ROR2: variants seen among roughly 807,000 people sequenced by gnomAD.
The protein encoded by ROR2 is ROR family WNT receptor 2, also known as tyrosine-protein kinase transmembrane receptor ROR2.
In ROR2, 33 loss-of-function variants were observed where a neutral mutation model predicts 74.9. The observed-to-expected ratio is 0.44, with a 90% confidence interval of 0.33 to 0.59. ROR2 has a LOEUF of 0.59. Among genes scored for constraint, ROR2 ranks in the 20% least tolerant of loss-of-function variants. The probability of loss-of-function intolerance (pLI) is 0.02; values close to 1 mark genes in which losing one functional copy is unlikely to be tolerated. For missense variants in ROR2, 1,216 were observed against 1,313.8 expected (o/e 0.93, Z 1.15); for synonymous variants, 586 against 558.7 (o/e 1.05, Z -0.69).
intron 1 of ROR2, among the ~76,000 whole-genome samples, chr9:91,830,229 G>C (rs11791450): frequency 0.45 from 68,939 of 152,076 alleles, 17,360 homozygotes; most frequent in African/African-American, 0.67. Flanking sequence ...ATTTGGCTGT[G>C]CAAGGCAGGT....
chr9:91,734,534 G>GT (rs1251292334), intron 5 of ROR2, among the ~76,000 whole-genome samples: 1 of 152,172 alleles, frequency 6.6e-6, no homozygotes. Context: ...AGGAAAGCGT[G>GT]TAAGTGCTGT....
chr9:91,920,412 GAGA>G (rs1326692270), intron 1 of ROR2, among the ~76,000 whole-genome samples: 1 of 152,154 alleles, frequency 6.6e-6, no homozygotes, highest in Non-Finnish European at 1.5e-5. Flanking sequence ...AGGCTGAGGT[GAGA>G]AGATCACTTG....
At chr9:91,920,402 A>T (rs1294901488) in intron 1 of ROR2, among the ~76,000 whole-genome samples, 1 of 152,210 alleles carries the variant, frequency 6.6e-6, no homozygotes, top group African/African-American at 2.4e-5. Flanking sequence ...GCTACTCGGG[A>T]GGCTGAGGTG....
intron 1 of ROR2, among the ~76,000 whole-genome samples, chr9:91,831,772 A>T (rs1828470898): frequency 6.6e-6 from 1 of 152,072 alleles, no homozygotes; most frequent in African/African-American, 2.4e-5. Context: ...CTGAGATCAC[A>T]CCATTGCACT....
Position 91,948,123 on chromosome 9 carries a change from T to C in ROR2, c.97+1744A>G, listed in dbSNP as rs528490449. 4.6e-5 allele frequency among the ~76,000 whole-genome samples: 7 copies of C among 152,312 alleles called. 1 individual carries two copies. In the East Asian group the frequency reaches 5.8e-4, roughly 13 times the overall value. On this transcript the variant is annotated intron_variant, in intron 1 of 8. Transcript: ENST00000375708. ...TTCCTTCACCCAAAACTCAAGGAAC[T>C]TTCCTGTTACAACCACCTTGGCTTA...
intron 1 of ROR2, among the ~76,000 whole-genome samples, chr9:91,816,017 C>A (rs1445877109): frequency 6.6e-6 from 1 of 152,192 alleles, no homozygotes; most frequent in Non-Finnish European, 1.5e-5. Context: ...TCTCCATAAA[C>A]GGTAAGCAGC....
In ROR2 at chr9:91,729,890, T is replaced by G. The variant is rs773458697; in HGVS notation, c.1183+1020A>C. Among the ~76,000 whole-genome samples the G allele has an allele frequency of 6.6e-5, 10 of 152,272 alleles. No homozygotes were observed. The South Asian group carries it at 1.2e-3, about 19-fold the overall frequency. On this transcript the variant is annotated intron_variant, in intron 7 of 8. Transcript: ENST00000375708. ...TAAAATCTGAGAAGCAGTGAAAAGC[T>G]CAAAAGCTGGTGGGTGGAAGGGAAA...
intron 1 of ROR2, among the ~76,000 whole-genome samples, chr9:91,929,863 CCA>C (rs1283404816): frequency 2.0e-5 from 3 of 152,128 alleles, no homozygotes. Context: ...ATCCTGAGTA[CCA>C]CAGAGTTTTC....
chr9:91,897,918 C>T (rs991202244), intron 1 of ROR2, among the ~76,000 whole-genome samples: 5 of 152,126 alleles, frequency 3.3e-5, no homozygotes, highest in Non-Finnish European at 5.9e-5. Context: ...GACATGTGGA[C>T]AGAGAGTGCA....
chr9:91,948,458 C>T lies in ROR2; in HGVS notation c.97+1409G>A, dbSNP rs149126669. ...TGTGGTCTACTTATTTTATTGTGCACTCTGAGCGGTTTATGCTTTAATGCA... is the reference window on the plus strand; with the variant it reads ...TGTGGTCTACTTATTTTATTGTGCATTCTGAGCGGTTTATGCTTTAATGCA... On this transcript the variant is annotated intron_variant, in intron 1 of 8. Coordinates refer to ENST00000375708, the MANE Select transcript of ROR2 (RefSeq NM_004560.4). 238 of 547,610 alleles carry T rather than the reference C, an allele frequency of 4.3e-4. 1 individual carries two copies. The African/African-American group carries it at 4.7e-3, about 11-fold the overall frequency. 33.9% of individuals were successfully genotyped at this position (547,610 alleles called of 1,614,324 possible). A position where few individuals can be genotyped will look rare whatever the true frequency, so the allele number is the denominator to read the frequency against.
chr9:91,788,016 G>T (rs1418582721), intron 1 of ROR2, among the ~76,000 whole-genome samples: 4 of 152,212 alleles, frequency 2.6e-5, no homozygotes, highest in African/African-American at 9.7e-5. Context: ...CCTGAATAGA[G>T]AATAGTAATA....
intron 1 of ROR2, among the ~76,000 whole-genome samples, chr9:91,919,911 T>C (rs1831223193): frequency 6.6e-6 from 1 of 152,194 alleles, no homozygotes; most frequent in South Asian, 2.1e-4. Context: ...TTACTGAACC[T>C]GAACTTTCAG....
chr9:91,873,918 CAG>C (rs922850325), intron 1 of ROR2, among the ~76,000 whole-genome samples: 2 of 152,142 alleles, frequency 1.3e-5, no homozygotes, highest in Non-Finnish European at 2.9e-5. Context: ...CGCTTCTCCT[CAG>C]AGATAAATTT....
At position 91,837,681 on chromosome 9, in the gene ROR2, T is replaced by A. The variant is rs141228715; in HGVS notation, c.98-61863A>T. On this transcript the variant is annotated intron_variant, in intron 1 of 8. Transcript: ENST00000375708. ...TGTCCCAGTTGTCTCATTTTCAAGA[T>A]GTTTAACGTGTTTTAAAAGGAGAAG... is the stretch of plus-strand genomic sequence containing the variant. Among the ~76,000 whole-genome samples, 380 of 152,336 alleles carry A rather than the reference T, an allele frequency of 2.5e-3. 4 individuals are homozygous for A. Among genetic ancestry groups the A allele is most frequent in the African/African-American group, 8.6e-3 (358 of 41,580 alleles).
intron 1 of ROR2, among the ~76,000 whole-genome samples, chr9:91,904,272 G>A (rs752967752): frequency 6.6e-6 from 1 of 152,160 alleles, no homozygotes; most frequent in South Asian, 2.1e-4. Flanking sequence ...ATCCCGGGGT[G>A]AGGAGGTTCC....
chr9:91,899,477 A>AC (rs1830618315), intron 1 of ROR2, among the ~76,000 whole-genome samples: 1 of 152,146 alleles, frequency 6.6e-6, no homozygotes, highest in Non-Finnish European at 1.5e-5. Flanking sequence ...CCACCCTACC[A>AC]GTCCCGGTGC....
intron 1 of ROR2, among the ~76,000 whole-genome samples, chr9:91,880,591 C>G (rs1417534353): frequency 1.3e-5 from 2 of 152,228 alleles, no homozygotes; most frequent in Non-Finnish European, 2.9e-5. Flanking sequence ...GAAGGCCTAA[C>G]AGATGCCACC....
intron 1 of ROR2, among the ~76,000 whole-genome samples, chr9:91,879,982 T>C (rs1376865950): frequency 6.6e-6 from 1 of 152,130 alleles, no homozygotes; most frequent in Non-Finnish European, 1.5e-5. Context: ...GTTACTACAA[T>C]ACAAAGCATA....
chr9:91,764,833 G>A (rs1564260482), intron 2 of ROR2, among the ~76,000 whole-genome samples: 1 of 152,156 alleles, frequency 6.6e-6, no homozygotes, highest in Non-Finnish European at 1.5e-5. Flanking sequence ...ACTTTCACAC[G>A]TGAATGATAG....
Sources: allele counts gnomAD v4.1 joint callset (sites outside exome capture counted in the v4.1 genomes callset), GRCh38; gene constraint gnomAD v4.1.1; transcripts MANE v1.5; gene names NCBI Gene and HGNC (gene_info 2026-07-23, HGNC 2026-07-21).